RORA: variants seen among roughly 807,000 people sequenced by gnomAD.
RORA encodes the protein nuclear receptor ROR-alpha.
A neutral mutation model predicts 69.5 loss-of-function variants in RORA; 7 were observed. That is an observed-to-expected ratio of 0.10 (90% CI 0.06 to 0.19). The LOEUF (loss-of-function observed/expected upper bound fraction) is 0.19. RORA is among the 10% of genes least tolerant of loss of function. The pLI is 1.00. For synonymous variants in RORA, 261 were observed against 240.8 expected (o/e 1.08, Z -0.78); for missense variants, 457 against 663.0 (o/e 0.69, Z 3.41).
At chr15:61,223,238 C>T (rs1270002025) in intron 1 of RORA, among the ~76,000 whole-genome samples, 3 of 140,682 alleles carry the variant, frequency 2.1e-5, no homozygotes, top group Non-Finnish European at 4.5e-5. Flanking sequence ...TGCTTGAACC[C>T]GGGAGGCAGA....
intron 1 of RORA, among the ~76,000 whole-genome samples, chr15:60,867,127 A>T (rs577759216): frequency 6.6e-6 from 1 of 152,146 alleles, no homozygotes; most frequent in East Asian, 1.9e-4. Context: ...AGACCTCCCA[A>T]AGTGCTACCA....
At chr15:60,789,536 C>A (rs1187548115) in intron 1 of RORA, among the ~76,000 whole-genome samples, 1 of 152,240 alleles carries the variant, frequency 6.6e-6, no homozygotes, top group Non-Finnish European at 1.5e-5. Context: ...ACTATCCATA[C>A]CGTTTCTTGA....
chr15:60,900,958 A>G (rs1020200844), intron 1 of RORA, among the ~76,000 whole-genome samples: 4 of 152,148 alleles, frequency 2.6e-5, no homozygotes, highest in African/African-American at 9.7e-5. Flanking sequence ...CATGTAAAGT[A>G]TCTGCCCCTG....
At chr15:60,884,842 C>T (rs573145157) in intron 1 of RORA, among the ~76,000 whole-genome samples, 2 of 152,198 alleles carry the variant, frequency 1.3e-5, no homozygotes, top group East Asian at 1.9e-4. Context: ...CAAAAGAGCA[C>T]GGGAGTCATG....
At chr15:60,591,827 C>A (rs1400560704) in intron 2 of RORA, among the ~76,000 whole-genome samples, 2 of 151,946 alleles carry the variant, frequency 1.3e-5, no homozygotes, top group African/African-American at 4.8e-5. Flanking sequence ...CGCGGACCTG[C>A]GGCACTTGCC....
chr15:61,172,219 C>A (rs2079591531), intron 1 of RORA, among the ~76,000 whole-genome samples: 1 of 152,038 alleles, frequency 6.6e-6, no homozygotes, highest in South Asian at 2.1e-4. Context: ...GAAAAAAATA[C>A]CCTTTGCAAT....
intron 3 of RORA, among the ~76,000 whole-genome samples, chr15:60,527,619 T>C (rs1420743692): frequency 3.9e-5 from 6 of 152,240 alleles, no homozygotes; most frequent in African/African-American, 9.6e-5. Flanking sequence ...CTTGCAGGCC[T>C]GGATTCTAAC....
At chr15:60,498,731 C>G (rs890304131) in intron 10 of RORA, among the ~76,000 whole-genome samples, 5 of 152,060 alleles carry the variant, frequency 3.3e-5, no homozygotes, top group Non-Finnish European at 7.4e-5. Flanking sequence ...GAGTGAAGCT[C>G]CTGACAGGGC....
intron 1 of RORA, among the ~76,000 whole-genome samples, chr15:60,725,545 C>T (rs566619910): frequency 2.6e-5 from 4 of 152,196 alleles, no homozygotes; most frequent in Non-Finnish European, 4.4e-5. Context: ...TCCACCCCCT[C>T]AAGCACGTAT....
At chr15:60,898,124 C>A (rs1483173760) in intron 1 of RORA, among the ~76,000 whole-genome samples, 2 of 152,176 alleles carry the variant, frequency 1.3e-5, no homozygotes, top group African/African-American at 2.4e-5. Flanking sequence ...GAGATGAGAG[C>A]ACAATGAAGA....
At chr15:60,510,743 G>C (rs1041952545) in intron 5 of RORA, among the ~76,000 whole-genome samples, 1 of 152,120 alleles carries the variant, frequency 6.6e-6, no homozygotes, top group African/African-American at 2.4e-5. Context: ...CCTCCCACAA[G>C]AAGCTAAAAA....
intron 1 of RORA, among the ~76,000 whole-genome samples, chr15:60,699,165 T>G (rs1221622403): frequency 6.6e-6 from 1 of 152,278 alleles, no homozygotes; most frequent in East Asian, 1.9e-4. Context: ...CTACTATAAA[T>G]ATCCTCTTTA....
intron 1 of RORA, among the ~76,000 whole-genome samples, chr15:61,158,734 G>A (rs1308234265): frequency 2.0e-5 from 3 of 152,152 alleles, no homozygotes; most frequent in South Asian, 4.1e-4. Flanking sequence ...GGGAGCTGTC[G>A]TGTCAGCTGA....
chr15:61,228,605 G>A (rs1412868901), intron 1 of RORA, among the ~76,000 whole-genome samples: 1 of 151,474 alleles, frequency 6.6e-6, no homozygotes, highest in African/African-American at 2.4e-5. Flanking sequence ...CTGTCAAGAG[G>A]AGAAAAGGTA....
chr15:61,226,522 C>T lies in RORA; in HGVS notation c.166+2531G>A, dbSNP rs1372873343. Reference sequence around the variant, plus strand: ...GCATATTCTGCCAACTCCATTACATCATCTGAAAACCCAAACATTTCCCAT... The same window carrying T: ...GCATATTCTGCCAACTCCATTACATTATCTGAAAACCCAAACATTTCCCAT... On this transcript the variant is annotated intron_variant, in intron 1 of 10. Coordinates refer to ENST00000335670, the MANE Select transcript of RORA (RefSeq NM_134261.3). The surrounding 1 kb of genome is among the most constrained non-coding windows in gnomAD (Gnocchi z 4.2). Among the ~76,000 whole-genome samples, 1 of 152,192 alleles carries T rather than the reference C, an allele frequency of 6.6e-6. No individual in the cohort carries two copies. Among genetic ancestry groups the T allele is most frequent in the Non-Finnish European group, 1.5e-5 (1 of 68,036 alleles).
At chr15:60,969,824 T>A (rs1893661451) in intron 1 of RORA, among the ~76,000 whole-genome samples, 2 of 152,198 alleles carry the variant, frequency 1.3e-5, no homozygotes, top group Admixed American at 1.3e-4. Context: ...ATGGGCTGAA[T>A]GTTTGTGTTC....
intron 1 of RORA, among the ~76,000 whole-genome samples, chr15:60,892,453 G>A (rs1244225363): frequency 1.3e-5 from 2 of 152,260 alleles, no homozygotes; most frequent in East Asian, 3.9e-4. Flanking sequence ...ACCTGAACCC[G>A]TGCCTTATAA....
intron 1 of RORA, among the ~76,000 whole-genome samples, chr15:61,094,381 G>A (rs889308923): frequency 7.2e-5 from 11 of 152,060 alleles, no homozygotes; most frequent in African/African-American, 1.4e-4. Flanking sequence ...AAATATGACC[G>A]TATGATCTAA....
chr15:61,207,879 C>T (rs184893772), intron 1 of RORA, among the ~76,000 whole-genome samples: 1 of 152,352 alleles, frequency 6.6e-6, no homozygotes, highest in Admixed American at 6.5e-5. Context: ...AGAAACCTTA[C>T]ATTCATATTA....
Sources: allele counts gnomAD v4.1 joint callset (sites outside exome capture counted in the v4.1 genomes callset), GRCh38; gene constraint gnomAD v4.1.1; non-coding constraint Gnocchi (gnomAD v3.1); transcripts MANE v1.5; gene names NCBI Gene and HGNC (gene_info 2026-07-23, HGNC 2026-07-21).